DLGAP1: variants seen among roughly 807,000 people sequenced by gnomAD.
The protein encoded by DLGAP1 is DLG associated protein 1, also known as disks large-associated protein 1.
Under a neutral mutation model 90.8 loss-of-function variants are expected in DLGAP1, and 11 were observed. The observed-to-expected ratio is 0.12, with a 90% CI of 0.08 to 0.20. The LOEUF is 0.20. Ranked by LOEUF, DLGAP1 falls within the 10% of genes least tolerant of loss-of-function variation. The pLI, the probability that DLGAP1 is intolerant of heterozygous loss-of-function variation, is 1.00. For missense variants in DLGAP1, 1,050 were observed against 1,333.8 expected, an observed-to-expected ratio of 0.79 and a Z score of 3.31; for synonymous variants, 558 against 540.7, an observed-to-expected ratio of 1.03 and a Z score of -0.44.
intron 7 of DLGAP1, among the ~76,000 whole-genome samples, chr18:3,649,730 A>G (rs1049390791): frequency 8.5e-5 from 13 of 152,170 alleles, no homozygotes; most frequent in African/African-American, 3.1e-4. Flanking sequence ...ACTGTGCAGA[A>G]ATAGAAAAGG....
chr18:3,763,390 C>T (rs991964056), intron 5 of DLGAP1, among the ~76,000 whole-genome samples: 5 of 152,152 alleles, frequency 3.3e-5, no homozygotes, highest in African/African-American at 1.2e-4. Flanking sequence ...ATCTTCCTTG[C>T]TCCTCAGCTT....
intron 7 of DLGAP1, among the ~76,000 whole-genome samples, chr18:3,705,358 C>T (rs2061400373): frequency 6.8e-6 from 1 of 147,908 alleles, no homozygotes; most frequent in Non-Finnish European, 1.5e-5. Flanking sequence ...TTTTGCTTTG[C>T]TCTGTATACC....
chr18:3,578,650 C>T (rs36083256), intron 8 of DLGAP1, among the ~76,000 whole-genome samples: 31,884 of 115,950 alleles, frequency 0.27, 3,703 homozygotes, highest in East Asian at 0.64. Flanking sequence ...CCACCGCACC[C>T]GGCCATTTTT....
chr18:3,872,827 T>G (rs2070835711), intron 4 of DLGAP1, among the ~76,000 whole-genome samples: 1 of 152,250 alleles, frequency 6.6e-6, no homozygotes, highest in Middle Eastern at 3.4e-3. Flanking sequence ...CTGAGGAGAA[T>G]GGAAAAAGGG....
intron 3 of DLGAP1, among the ~76,000 whole-genome samples, chr18:3,920,047 T>C (rs1307062592): frequency 6.6e-6 from 1 of 152,108 alleles, no homozygotes; most frequent in Admixed American, 6.6e-5. Flanking sequence ...AAAAGCATTT[T>C]AAAAATTCAC....
At chr18:3,740,739 C>T (rs1364538161) in intron 6 of DLGAP1, among the ~76,000 whole-genome samples, 5 of 151,960 alleles carry the variant, frequency 3.3e-5, no homozygotes, top group Non-Finnish European at 7.4e-5. Flanking sequence ...ATCACAATCA[C>T]GACCACCACC....
At chr18:3,801,741 CAAAT>C (rs2066302936) in intron 5 of DLGAP1, among the ~76,000 whole-genome samples, 1 of 151,708 alleles carries the variant, frequency 6.6e-6, no homozygotes, top group South Asian at 2.1e-4. Context: ...ACAAGAAAAA[CAAAT>C]AAAGAAGCCA....
At chr18:4,299,846 T>C (rs760537704) in intron 1 of DLGAP1, among the ~76,000 whole-genome samples, 4 of 152,206 alleles carry the variant, frequency 2.6e-5, no homozygotes, top group Non-Finnish European at 5.9e-5. Flanking sequence ...TGTTTTTAAC[T>C]ATTTATCACA....
At chr18:4,134,842 G>A (rs2144245743) in intron 2 of DLGAP1, among the ~76,000 whole-genome samples, 1 of 152,144 alleles carries the variant, frequency 6.6e-6, no homozygotes, top group East Asian at 1.9e-4. Flanking sequence ...GAGAGCATGT[G>A]CACCAACACG....
In DLGAP1 at chr18:3,981,860, C is replaced by G. The variant is rs529758705; in HGVS notation, c.-73+23256G>C. On this transcript the variant is annotated intron_variant, in intron 3 of 12. Coordinates refer to ENST00000315677, the MANE Select transcript of DLGAP1 (RefSeq NM_004746.4). ...CAGGAATTTCCTCAATCATCCTAAT[C>G]TAGTGATTCTTCCCTCCTCTGATCT... Among the ~76,000 whole-genome samples the G allele has an allele frequency of 4.6e-5, 7 of 152,270 alleles. No individual in the cohort carries two copies. In the South Asian group the frequency reaches 1.2e-3, roughly 27 times the overall value.
intron 5 of DLGAP1, among the ~76,000 whole-genome samples, chr18:3,772,280 TCTCC>T (rs1385766266): frequency 2.0e-5 from 3 of 150,640 alleles, no homozygotes; most frequent in African/African-American, 7.3e-5. Flanking sequence ...CCTTCCTTTC[TCTCC>T]TTTTCTCCTT....
At chr18:4,112,954 T>C (rs1263150295) in intron 2 of DLGAP1, among the ~76,000 whole-genome samples, 2 of 151,450 alleles carry the variant, frequency 1.3e-5, no homozygotes, top group East Asian at 3.9e-4. Context: ...CTTTTTTTTA[T>C]AGCTATGTAG....
intron 2 of DLGAP1, among the ~76,000 whole-genome samples, chr18:4,034,912 GA>G (rs11337288): frequency 0.012 from 1,687 of 143,708 alleles, 25 homozygotes; most frequent in African/African-American, 0.039. Flanking sequence ...ACCACCATTT[GA>G]AAAAAAAAAA....
At chr18:3,764,868 T>C (rs1032703861) in intron 5 of DLGAP1, among the ~76,000 whole-genome samples, 1 of 152,122 alleles carries the variant, frequency 6.6e-6, no homozygotes, top group Admixed American at 6.5e-5. Flanking sequence ...TTGTTCTAGG[T>C]TGAGCTTAGG....
intron 3 of DLGAP1, among the ~76,000 whole-genome samples, chr18:3,973,735 C>T (rs776577536): frequency 1.3e-5 from 2 of 152,086 alleles, no homozygotes; most frequent in African/African-American, 2.4e-5. Flanking sequence ...TAGAAAGTTC[C>T]GGGGAAGGCC....
At chr18:4,406,096 T>C (rs975943582) in intron 1 of DLGAP1, among the ~76,000 whole-genome samples, 2 of 152,144 alleles carry the variant, frequency 1.3e-5, no homozygotes, top group African/African-American at 4.8e-5. Flanking sequence ...AGACTTACGT[T>C]ACAAAGTTAC....
chr18:3,601,377 C>T (rs1368864655), intron 7 of DLGAP1, among the ~76,000 whole-genome samples: 2 of 152,046 alleles, frequency 1.3e-5, no homozygotes, highest in East Asian at 3.9e-4. Flanking sequence ...TGAGCCACTG[C>T]GCCTGGCCCA....
At chr18:3,692,646 C>T (rs2060938822) in intron 7 of DLGAP1, among the ~76,000 whole-genome samples, 1 of 152,054 alleles carries the variant, frequency 6.6e-6, no homozygotes, top group Non-Finnish European at 1.5e-5. Flanking sequence ...CTGCATATGG[C>T]AGCTCTTTGC....
intron 2 of DLGAP1, among the ~76,000 whole-genome samples, chr18:4,048,992 C>T (rs117072917): frequency 0.046 from 6,963 of 152,056 alleles, 256 homozygotes; most frequent in Middle Eastern, 0.1. Context: ...TTTGGGAGGC[C>T]GAGGGAGGCA....
Sources: gnomAD v4.1 joint callset for allele counts (sites outside exome capture counted in the v4.1 genomes callset) on GRCh38, gnomAD v4.1.1 for gene constraint, MANE v1.5 for transcripts, NCBI Gene and HGNC (gene_info 2026-07-23, HGNC 2026-07-21) for gene names.